Variants in FRMD4B observed in about 807,000 individuals in gnomAD.
FRMD4B encodes FERM domain-containing protein 4B.
Under a neutral mutation model 141.5 loss-of-function variants are expected in FRMD4B, and 74 were observed. The observed-to-expected ratio is 0.52, with a 90% CI of 0.43 to 0.63. The LOEUF (loss-of-function observed/expected upper bound fraction) is 0.63. Ranked by LOEUF, FRMD4B falls within the 30% of genes least tolerant of loss-of-function variation. The pLI is 0.00. For missense variants in FRMD4B, 1,366 were observed against 1,253.4 expected, an observed-to-expected ratio of 1.09 and a Z score of -1.36; for synonymous variants, 506 against 467.9, an observed-to-expected ratio of 1.08 and a Z score of -1.05.
At chr3:69,264,961 T>C (rs1385139768) in intron 5 of FRMD4B, among the ~76,000 whole-genome samples, 1 of 151,882 alleles carries the variant, frequency 6.6e-6, no homozygotes, top group African/African-American at 2.4e-5. Flanking sequence ...ATAATACAAA[T>C]ATACAGATAT....
At chr3:69,199,542 T>C (rs1469993373) in intron 11 of FRMD4B, among the ~76,000 whole-genome samples, 1 of 152,208 alleles carries the variant, frequency 6.6e-6, no homozygotes, top group Admixed American at 6.5e-5. Flanking sequence ...GGTGATTCTC[T>C]GAGATACCAC....
rs2092934456 is a variant in FRMD4B, at chr3:69,198,715, T to C, written c.936A>G (p.Glu312=). ...ATCCTCACCTTCGTGGATCATGAACTTCAACAGCAAATTTTTTCTCACGGA... is the reference window on the plus strand; with the variant it reads ...ATCCTCACCTTCGTGGATCATGAACCTCAACAGCAAATTTTTTCTCACGGA... ...LYFREKKFAV[E]VHDPRRISVS... The change falls in exon 12 of 23, where the codon GAA becomes GAG. Residue 312 remains glutamate, a synonymous_variant. Transcript: ENST00000398540. 2 of 1,556,106 alleles carry C rather than the reference T, an allele frequency of 1.3e-6. No homozygotes were observed. The highest frequency in any genetic ancestry group is 1.8e-6 in the Non-Finnish European group (2 of 1,139,348).
At chr3:69,200,436 G>C in intron 11 of FRMD4B, 1 of 995,320 alleles carries the variant, frequency 1.0e-6, no homozygotes, top group Non-Finnish European at 1.2e-6. Flanking sequence ...TCCAAAAATG[G>C]GACAGAAATG....
At chr3:69,235,685 A>C (rs535805576) in intron 7 of FRMD4B, among the ~76,000 whole-genome samples, 2 of 152,098 alleles carry the variant, frequency 1.3e-5, no homozygotes, top group Non-Finnish European at 2.9e-5. Context: ...AGGAAAAAAA[A>C]AAAGAAATAC....
intron 5 of FRMD4B, among the ~76,000 whole-genome samples, chr3:69,274,219 T>C (rs147895259): frequency 6.6e-6 from 1 of 152,182 alleles, no homozygotes; most frequent in Non-Finnish European, 1.5e-5. Context: ...AAAATATAAA[T>C]AGCAAAATGG....
chr3:69,531,846 A>C lies in FRMD4B; in HGVS notation c.-129+10360T>G, dbSNP rs140095717. 1.7e-4 allele frequency among the ~76,000 whole-genome samples: 26 copies of C among 152,352 alleles called. No individual in the cohort carries two copies. The East Asian group carries it at 4.8e-3, about 28-fold the overall frequency. On this transcript the variant is annotated intron_variant, in intron 1 of 5. Transcript: ENST00000459638. ...TTAAAGCAGCTGAATCATTGCAAAAACAATTTCTTCTTCTTAATATGTTTG... is the reference window on the plus strand; with the variant it reads ...TTAAAGCAGCTGAATCATTGCAAAACCAATTTCTTCTTCTTAATATGTTTG...
At chr3:69,185,678 G>A (rs564916027) in intron 19 of FRMD4B, among the ~76,000 whole-genome samples, 1 of 152,256 alleles carries the variant, frequency 6.6e-6, no homozygotes, top group African/African-American at 2.4e-5. Flanking sequence ...CACTATCAGG[G>A]TTGTCGTGAA....
chr3:69,455,892 T>G (rs1559532708), intron 1 of FRMD4B, among the ~76,000 whole-genome samples: 8 of 152,194 alleles, frequency 5.3e-5, no homozygotes. Flanking sequence ...AGGTTCAGGA[T>G]CCTGTTCCAC....
At chr3:69,401,180 T>A (rs1704557672) in intron 2 of FRMD4B, among the ~76,000 whole-genome samples, 1 of 152,202 alleles carries the variant, frequency 6.6e-6, no homozygotes, top group Non-Finnish European at 1.5e-5. Flanking sequence ...AGAAGAATTT[T>A]TAAAATGCAC....
chr3:69,509,391 G>A (rs188048708), intron 1 of FRMD4B, among the ~76,000 whole-genome samples: 1 of 152,228 alleles, frequency 6.6e-6, no homozygotes, highest in African/African-American at 2.4e-5. Flanking sequence ...GTTCCCTCCC[G>A]CCATGTTGTA....
intron 19 of FRMD4B, among the ~76,000 whole-genome samples, chr3:69,183,144 C>T (rs1026489791): frequency 6.6e-6 from 1 of 152,162 alleles, no homozygotes; most frequent in African/African-American, 2.4e-5. Context: ...CAGATGGTCT[C>T]TAGAGCGACT....
chr3:69,341,741 G>A (rs772055726), intron 1 of FRMD4B, among the ~76,000 whole-genome samples: 4 of 152,158 alleles, frequency 2.6e-5, no homozygotes, highest in Non-Finnish European at 5.9e-5. Context: ...TCTCTTTAAC[G>A]GATTAAAGCC....
intron 1 of FRMD4B, among the ~76,000 whole-genome samples, chr3:69,516,219 T>C (rs555284957): frequency 6.6e-6 from 1 of 151,796 alleles, no homozygotes; most frequent in African/African-American, 2.4e-5. Flanking sequence ...AGCAAGACCC[T>C]ATCTCTAAAA....
At chr3:69,193,107 C>T (rs73114368) in intron 17 of FRMD4B, among the ~76,000 whole-genome samples, 11,936 of 151,798 alleles carry the variant, frequency 0.079, 545 homozygotes, top group Middle Eastern at 0.16. Context: ...AGGTGTGGGG[C>T]GCCATGCTCG....
chr3:69,530,013 G>T (rs1371603908), intron 1 of FRMD4B, among the ~76,000 whole-genome samples: 2 of 152,166 alleles, frequency 1.3e-5, no homozygotes, highest in Non-Finnish European at 2.9e-5. Context: ...ACAGGAATTG[G>T]CAAAGCACAG....
intron 3 of FRMD4B, among the ~76,000 whole-genome samples, chr3:69,309,792 C>T (rs1004274618): frequency 6.6e-6 from 1 of 152,040 alleles, no homozygotes; most frequent in Non-Finnish European, 1.5e-5. Context: ...ATGTTGTTAA[C>T]CCCTATTCTA....
At chr3:69,323,412 C>CA (rs1233678746) in intron 1 of FRMD4B, among the ~76,000 whole-genome samples, 3 of 151,424 alleles carry the variant, frequency 2.0e-5, no homozygotes, top group East Asian at 2.0e-4. Flanking sequence ...ACTAAAAATA[C>CA]AAAAAAATTA....
At chr3:69,265,128 G>A (rs1287040407) in intron 5 of FRMD4B, among the ~76,000 whole-genome samples, 2 of 149,564 alleles carry the variant, frequency 1.3e-5, no homozygotes, top group South Asian at 4.3e-4. Context: ...AGTGGTGGGC[G>A]CCTGTAGTCC....
At chr3:69,340,850 G>C (rs1426199097) in intron 1 of FRMD4B, among the ~76,000 whole-genome samples, 1 of 152,030 alleles carries the variant, frequency 6.6e-6, no homozygotes, top group African/African-American at 2.4e-5. Flanking sequence ...CTGCCTCTAG[G>C]TACTTTGTCT....
Sources: allele counts gnomAD v4.1 joint callset (sites outside exome capture counted in the v4.1 genomes callset), GRCh38; gene constraint gnomAD v4.1.1; transcripts MANE v1.5; gene names NCBI Gene and HGNC (gene_info 2026-07-23, HGNC 2026-07-21).